The following MCM4 variants were observed in gnomAD, a reference collection of about 807,000 sequenced individuals.
MCM4 encodes DNA replication licensing factor MCM4.
MCM4 carries 60 observed loss-of-function variants against 88.7 expected under a neutral mutation model. The observed-to-expected ratio is 0.68, with a 90% confidence interval of 0.55 to 0.84. The LOEUF (loss-of-function observed/expected upper bound fraction) is 0.84, where lower values mean the gene tolerates loss of function less well. Among genes scored for constraint, MCM4 ranks in the 40% least tolerant of loss-of-function variants. The pLI, the probability that MCM4 is intolerant of heterozygous loss-of-function variation, is 0.00. For missense variants in MCM4, 1,149 were observed against 1,105.5 expected (o/e 1.04, Z -0.56); for synonymous variants, 465 against 410.5 (o/e 1.13, Z -1.61).
rs1473382322 is a variant in MCM4 at position 47,961,557 on chromosome 8, A to G, written c.112A>G (p.Arg38Gly). Residue 38 changes from arginine (R) to glycine (G), a missense_variant, in exon 3 of 17, where the codon AGA becomes GGA. Coordinates refer to ENST00000649973, the MANE Select transcript of MCM4 (RefSeq NM_182746.3). ...DARSSPSQRRRGEDSTSTGEL... is the reference protein window; with the variant it reads ...DARSSPSQRRGGEDSTSTGEL... The stretch of plus-strand genomic sequence containing the variant: ...CAGGTCATCTCCCTCTCAGAGACGT[A>G]GAGGCGAGGATTCCACCTCCACGGG... The G allele has an allele frequency of 3.1e-6, 5 of 1,614,088 alleles. No homozygotes were observed. Among genetic ancestry groups the G allele is most frequent in the Admixed American group, 3.3e-5 (2 of 60,012 alleles).
At position 47,964,731 on chromosome 8, in the gene MCM4, G is replaced by A; in HGVS notation, c.832+19G>A. On this transcript the variant is annotated intron_variant, in intron 8 of 16. Transcript: ENST00000649973. ...CCAGAAGGTAATGTATTTTTCATAG[G>A]ATTACTTTTGTTGAAGGAAAATGCC... 1 of 1,525,396 alleles carries A rather than the reference G, an allele frequency of 6.6e-7. No individual in the cohort carries two copies. The highest frequency in any genetic ancestry group is 8.8e-7 in the Non-Finnish European group (1 of 1,138,644). 94.5% of individuals were successfully genotyped at this position (1,525,396 alleles called of 1,614,324 possible).
rs768456505 is a variant in MCM4, at chr8:47,964,635, C to A, written c.755C>A (p.Ser252Ter). Residue 252 changes from serine to a stop codon, truncating the protein, a stop_gained, in exon 8 of 17, where the codon TCA (serine) becomes TAA (stop). Coordinates refer to ENST00000649973, the MANE Select transcript of MCM4 (RefSeq NM_182746.3). LOFTEE classifies it high-confidence loss of function. ...ATCTTCTTTGACCGTTACCCTGACT[C>A]AATCTTAGAACATCAGATTCAAGTA... ...NEIFFDRYPD[S>*]ILEHQIQVRP... 1 of 1,607,492 alleles carries A rather than the reference C, an allele frequency of 6.2e-7. No homozygotes were observed. The highest frequency in any genetic ancestry group is 1.1e-5 in the South Asian group (1 of 89,326).
Position 47,967,394 on chromosome 8 carries a change from G to A in MCM4, c.1083G>A (p.Met361Ile), listed in dbSNP as rs193178051. 1.2e-6 allele frequency: 2 copies of A among 1,614,152 alleles called. No individual in the cohort carries two copies. Among genetic ancestry groups the A allele is most frequent in the South Asian group, 1.1e-5 (1 of 91,074 alleles). Residue 361 changes from methionine to isoleucine, a missense_variant, in exon 10 of 17, where the codon ATG (methionine) becomes ATA (isoleucine). Met to Ile is a conservative substitution (Grantham distance 10, BLOSUM62 1). Around this residue, in one of 3 missense-constraint regions of MCM4, gnomAD observed 906 missense variants for 843.0 expected, o/e 1.07. Transcript: ENST00000649973. ...MIKLQESPED[M>I]PAGQTPHTVI... ...AGCTTCAGGAGTCTCCGGAAGACAT[G>A]CCTGCAGGGCAGACACCACACACAG... is the stretch of plus-strand genomic sequence containing the variant.
chr8:47,967,347 C>G lies in MCM4; in HGVS notation c.1054-18C>G. The G allele has an allele frequency of 1.2e-6, 2 of 1,613,986 alleles. No homozygotes were observed. The highest frequency in any genetic ancestry group is 1.7e-6 in the Non-Finnish European group (2 of 1,179,912). On this transcript the variant is annotated intron_variant, in intron 9 of 16. Transcript: ENST00000649973. ...CCTCTCTTTGTGGCCCACATGTTCT[C>G]TGTTTGCTGACCTTCAGATCAAGCT...
rs1388452340 is a variant in MCM4 at position 47,974,580 on chromosome 8, T to C, written c.2137-154T>C. The C allele has an allele frequency of 5.6e-5, 37 of 664,008 alleles. 1 individual carries two copies. The South Asian group carries it at 6.4e-4, about 11-fold the overall frequency. 41.1% of individuals were successfully genotyped at this position (664,008 alleles called of 1,614,324 possible). A position where few individuals can be genotyped will look rare whatever the true frequency, so the allele number is the denominator to read the frequency against. The stretch of plus-strand genomic sequence containing the variant: ...TCACCTGCGATTTCTGTGGTCTGTC[T>C]GTGTAGTCTCTACCACTTGATGAGC... On this transcript the variant is annotated intron_variant, in intron 14 of 16. Coordinates refer to ENST00000649973, the MANE Select transcript of MCM4 (RefSeq NM_182746.3).
At chr8:47,976,255 T>C (rs2154505513) in intron 16 of MCM4, among the ~76,000 whole-genome samples, 1 of 151,370 alleles carries the variant, frequency 6.6e-6, no homozygotes, top group Middle Eastern at 3.4e-3. Context: ...ATCCCACCAT[T>C]GCTCTCCAGC....
Position 47,961,768 on chromosome 8 carries a change from C to T in MCM4, c.235+88C>T, listed in dbSNP as rs529020592. The stretch of plus-strand genomic sequence containing the variant: ...GGTTTACTGGCTTTATAACAGTTGG[C>T]ATAACGCCTAAAGCATCCCCTCTGC... On this transcript the variant is annotated intron_variant, in intron 3 of 16. Transcript: ENST00000649973. 8.9e-6 allele frequency: 13 copies of T among 1,462,126 alleles called. No individual in the cohort carries two copies. In the South Asian group the frequency reaches 1.6e-4, roughly 18 times the overall value. 90.6% of individuals were successfully genotyped at this position (1,462,126 alleles called of 1,614,324 possible). A position where few individuals can be genotyped will look rare whatever the true frequency, so the allele number is the denominator to read the frequency against.
At chr8:47,975,523 G>T in intron 15 of MCM4, 192 bp from the exon 16 acceptor site, 1 of 430,196 alleles carries the variant, frequency 2.3e-6, no homozygotes, top group Non-Finnish European at 4.1e-6. Flanking sequence ...CAGATGTGTA[G>T]ACTGTTAAGG....
chr8:47,966,090 C>T, intron 8 of MCM4, 97 bp from the exon 9 acceptor site: 1 of 965,856 alleles, frequency 1.0e-6, no homozygotes, highest in Non-Finnish European at 1.6e-6. Flanking sequence ...TCGCCCTAGG[C>T]AGAGTCTTGG....
chr8:47,969,981 C>A lies in MCM4; in HGVS notation c.1358C>A (p.Ser453Tyr). The change falls in exon 11 of 17, where the codon TCC (serine) becomes TAC (tyrosine). Residue 453 changes from serine to tyrosine, a missense_variant. Transcript: ENST00000649973. ...EKRVELLKEL[S>Y]RKPDIYERLA... is the part of the protein sequence containing the mutation. The stretch of plus-strand genomic sequence containing the variant: ...CGTGTGGAATTGCTTAAGGAACTTT[C>A]CAGGAAACCAGACATTTATGAGAGG... 1 of 1,614,208 alleles carries A rather than the reference C, an allele frequency of 6.2e-7. No individual in the cohort carries two copies. The highest frequency in any genetic ancestry group is 8.5e-7 in the Non-Finnish European group (1 of 1,180,040).
chr8:47,971,718 C>T (rs952667372), intron 13 of MCM4, among the ~76,000 whole-genome samples: 3 of 152,186 alleles, frequency 2.0e-5, no homozygotes, highest in Non-Finnish European at 2.9e-5. Flanking sequence ...CCTAAAGCCA[C>T]TGCTGAGAGT....
intron 1 of MCM4, 39 bp from the exon 2 acceptor site, chr8:47,961,092 G>T: frequency 6.6e-7 from 1 of 1,507,414 alleles, no homozygotes. Flanking sequence ...CAGGGAAGCC[G>T]GGAGGCGGGC....
intron 10 of MCM4, 50 bp from the exon 11 acceptor site, chr8:47,969,748 C>A (rs1161569286): frequency 1.2e-6 from 2 of 1,602,862 alleles, no homozygotes; most frequent in South Asian, 2.2e-5. Flanking sequence ...CTGAGCCACT[C>A]GGAGGAAGAT....
chr8:47,963,022 A>G lies in MCM4; in HGVS notation c.675A>G (p.Gln225=). ...IKSFDKNLYR[Q]LISYPQEVIP... ...CATTTGACAAAAATTTGTACAGACA[A>G]CTCATCTCTTACCCACAGGTAAGAA... Residue 225 remains glutamine (Q), a synonymous_variant, in exon 7 of 17, where the codon CAA becomes CAG. Coordinates refer to ENST00000649973, the MANE Select transcript of MCM4 (RefSeq NM_182746.3). The G allele has an allele frequency of 1.9e-6, 3 of 1,598,696 alleles. No homozygotes were observed. Among genetic ancestry groups the G allele is most frequent in the Non-Finnish European group, 2.6e-6 (3 of 1,172,184 alleles).
chr8:47,975,451 G>A (rs2090993242), intron 15 of MCM4: 1 of 241,332 alleles, frequency 4.1e-6, no homozygotes, highest in Non-Finnish European at 7.9e-6. Flanking sequence ...TGACTGTCTG[G>A]GAAGTTTTGT....
Position 47,977,541 on chromosome 8 carries a change from C to A in MCM4, c.*763C>A, listed in dbSNP as rs2091011373. The A allele has an allele frequency of 6.6e-6, 1 of 152,236 alleles. No individual in the cohort carries two copies. Among genetic ancestry groups the A allele is most frequent in the Admixed American group, 6.6e-5 (1 of 15,254 alleles). The allele number at this position is 152,236 out of a possible 1,614,324, so 9.4% of individuals were successfully genotyped here. Reference sequence around the variant, plus strand: ...TTTGAGATAGGGTCTTACTCTGTCACCCTGGCTAGAGTACACTGGTACAAT... The same window carrying A: ...TTTGAGATAGGGTCTTACTCTGTCAACCTGGCTAGAGTACACTGGTACAAT... On this transcript the variant is annotated 3_prime_UTR_variant, in exon 17 of 17. Transcript: ENST00000649973.
intron 7 of MCM4, among the ~76,000 whole-genome samples, chr8:47,963,364 G>C (rs975692032): frequency 6.6e-6 from 1 of 152,080 alleles, no homozygotes; most frequent in Non-Finnish European, 1.5e-5. Context: ...TGAAGCGATA[G>C]AATCACTTGA....
intron 9 of MCM4, 72 bp from the exon 10 acceptor site, chr8:47,967,293 A>T: frequency 6.3e-7 from 1 of 1,579,512 alleles, no homozygotes; most frequent in South Asian, 1.1e-5. Flanking sequence ...CAAAAGCAGT[A>T]CAAAGACATG....
At position 47,970,037 on chromosome 8, in the gene MCM4, G is replaced by T; in HGVS notation, c.1414G>T (p.Glu472Ter). 1.2e-6 allele frequency: 2 copies of T among 1,613,946 alleles called. No homozygotes were observed. The highest frequency in any genetic ancestry group is 2.2e-5 in the South Asian group (2 of 91,038). The change falls in exon 11 of 17, where the codon GAA becomes TAA. Residue 472 changes from glutamate (E) to a stop codon, truncating the protein, a stop_gained. Coordinates refer to ENST00000649973, the MANE Select transcript of MCM4 (RefSeq NM_182746.3). LOFTEE classifies it high-confidence loss of function. The stretch of plus-strand genomic sequence containing the variant: ...TTCAGCCTTGGCTCCAAGCATTTAT[G>T]AACATGAAGATATAAAGAAGGTAAC... ...LASALAPSIY[E>*]HEDIKKGILL...
Sources: gnomAD v4.1 joint callset for allele counts (sites outside exome capture counted in the v4.1 genomes callset) on GRCh38, gnomAD v4.1.1 for gene constraint, gnomAD v4.1.1 regional missense constraint, MANE v1.5 for transcripts, NCBI Gene and HGNC (gene_info 2026-07-23, HGNC 2026-07-21) for gene names.